The following GRID2 variants were observed in gnomAD, a reference collection of about 807,000 sequenced individuals.
GRID2 encodes the protein glutamate ionotropic receptor delta type subunit 2.
A neutral mutation model predicts 114.8 loss-of-function variants in GRID2; 33 were observed. The ratio of observed to expected loss-of-function variants is 0.29; its 90% CI spans 0.22 to 0.38. GRID2 has a LOEUF of 0.38. Among genes scored for constraint, GRID2 ranks in the 10% least tolerant of loss-of-function variants. The probability of loss-of-function intolerance (pLI) is 1.00; values close to 1 mark genes in which losing one functional copy is unlikely to be tolerated. For synonymous variants in GRID2, 505 were observed against 449.9 expected (o/e 1.12, Z -1.55); for missense variants, 1,184 against 1,257.7 (o/e 0.94, Z 0.89).
chr4:93,255,022 C>T (rs1404213987), intron 8 of GRID2, among the ~76,000 whole-genome samples: 1 of 152,086 alleles, frequency 6.6e-6, no homozygotes, highest in Non-Finnish European at 1.5e-5. Flanking sequence ...TATTTTCTAG[C>T]TGTTGGTGTT....
intron 1 of GRID2, among the ~76,000 whole-genome samples, chr4:92,437,549 G>T (rs1056116724): frequency 6.6e-6 from 1 of 152,194 alleles, no homozygotes; most frequent in Non-Finnish European, 1.5e-5. Context: ...GATTACAGGC[G>T]TGAGCTACTG....
intron 1 of GRID2, among the ~76,000 whole-genome samples, chr4:92,444,250 C>T (rs538074339): frequency 2.4e-4 from 36 of 148,256 alleles, no homozygotes; most frequent in East Asian, 1.4e-3. Context: ...TTTGTGTGAG[C>T]GACACATCTG....
At chr4:93,577,181 A>G (rs149494667) in intron 13 of GRID2, among the ~76,000 whole-genome samples, 4 of 152,272 alleles carry the variant, frequency 2.6e-5, no homozygotes, top group Admixed American at 6.5e-5. Context: ...AAGCCCTCAA[A>G]TATCTTAAAG....
chr4:92,587,080 G>A (rs542599200), intron 1 of GRID2, among the ~76,000 whole-genome samples: 10 of 148,428 alleles, frequency 6.7e-5, no homozygotes, highest in African/African-American at 2.5e-4. Flanking sequence ...GAAATATATA[G>A]AGAGTACTGA....
chr4:92,953,429 A>T (rs1027354675), intron 2 of GRID2, among the ~76,000 whole-genome samples: 1 of 152,206 alleles, frequency 6.6e-6, no homozygotes, highest in Non-Finnish European at 1.5e-5. Flanking sequence ...AGAAAAATTC[A>T]GTAAATTCTA....
chr4:92,378,071 G>A (rs987128998), intron 1 of GRID2, among the ~76,000 whole-genome samples: 1 of 151,404 alleles, frequency 6.6e-6, no homozygotes, highest in African/African-American at 2.4e-5. Flanking sequence ...TAATTTTAGA[G>A]CTGAAAGAGG....
intron 13 of GRID2, among the ~76,000 whole-genome samples, chr4:93,607,298 A>T (rs13123912): frequency 0.19 from 28,796 of 152,078 alleles, 3,188 homozygotes; most frequent in Middle Eastern, 0.32. Flanking sequence ...AAAAAATAGG[A>T]TTACATTATA....
At chr4:93,531,798 A>G (rs901068221) in intron 13 of GRID2, among the ~76,000 whole-genome samples, 11 of 152,232 alleles carry the variant, frequency 7.2e-5, no homozygotes, top group Admixed American at 5.2e-4. Context: ...ATTACAATAC[A>G]TTATGTTCAT....
intron 1 of GRID2, among the ~76,000 whole-genome samples, chr4:92,470,223 A>G (rs1721966280): frequency 2.0e-5 from 3 of 152,086 alleles, no homozygotes; most frequent in South Asian, 4.1e-4. Context: ...TGGATGTGGA[A>G]CACTCAATTT....
intron 1 of GRID2, among the ~76,000 whole-genome samples, chr4:92,398,903 T>C (rs1258925483): frequency 6.6e-6 from 1 of 152,210 alleles, no homozygotes; most frequent in Non-Finnish European, 1.5e-5. Context: ...CTGTTAAACG[T>C]GATAACTACA....
chr4:93,178,380 ATTTTTTTTTTTTTT>A lies in GRID2; in HGVS notation c.736-29007_736-28994del, dbSNP rs11428288. Reference sequence around the variant, plus strand: ...CTTATATTGTTTTCCTTGAAAATAGATTTTTTTTTTTTTTTTTTTTTTTTTTTTTTCCAGAGAGA... The same window carrying A: ...CTTATATTGTTTTCCTTGAAAATAGATTTTTTTTTTTTTTTTCCAGAGAGA... On this transcript the variant is annotated intron_variant, in intron 4 of 15. Coordinates refer to ENST00000282020, the MANE Select transcript of GRID2 (RefSeq NM_001510.4). Among the ~76,000 whole-genome samples the A allele has an allele frequency of 3.9e-3, 197 of 50,334 alleles. 1 individual carries two copies. Among genetic ancestry groups the A allele is most frequent in the Middle Eastern group, 0.026 (1 of 38 alleles). 33.0% of individuals were successfully genotyped at this position (50,334 alleles called of 152,430 possible).
chr4:93,685,280 C>A (rs761700716), intron 14 of GRID2, among the ~76,000 whole-genome samples: 11 of 152,026 alleles, frequency 7.2e-5, no homozygotes, highest in Non-Finnish European at 1.2e-4. Context: ...GATTTTTACT[C>A]CCTTGCTTTC....
In GRID2 at chr4:93,007,818, A is replaced by G. The variant is rs1292505171; in HGVS notation, c.245-77177A>G. Among the ~76,000 whole-genome samples, 4 of 152,024 alleles carry G rather than the reference A, an allele frequency of 2.6e-5. No homozygotes were observed. In the South Asian group the frequency reaches 6.2e-4, roughly 24 times the overall value. On this transcript the variant is annotated intron_variant, in intron 2 of 15. Coordinates refer to ENST00000282020, the MANE Select transcript of GRID2 (RefSeq NM_001510.4). ...CACTTTGGGAGGCTGGGCCCAGTGG[A>G]TCACTTGAGGTCAGGAGTTGGAGAC...
intron 2 of GRID2, among the ~76,000 whole-genome samples, chr4:92,846,392 G>C (rs1254825023): frequency 6.6e-6 from 1 of 151,998 alleles, no homozygotes; most frequent in Non-Finnish European, 1.5e-5. Flanking sequence ...CCAGTGTTTA[G>C]CTCCCTTTTG....
chr4:92,808,039 T>C (rs1454051416), intron 2 of GRID2, among the ~76,000 whole-genome samples: 2 of 151,986 alleles, frequency 1.3e-5, no homozygotes, highest in Non-Finnish European at 1.5e-5. Flanking sequence ...GGTGATTATA[T>C]TGTAATCATA....
chr4:92,567,861 A>C (rs1727410004), intron 1 of GRID2, among the ~76,000 whole-genome samples: 1 of 152,084 alleles, frequency 6.6e-6, no homozygotes, highest in African/African-American at 2.4e-5. Context: ...ATTTCTTTGC[A>C]TTGGTAATTC....
At chr4:93,265,088 A>G (rs1309848153) in intron 8 of GRID2, among the ~76,000 whole-genome samples, 2 of 151,972 alleles carry the variant, frequency 1.3e-5, no homozygotes, top group African/African-American at 4.8e-5. Context: ...GCCTAATGTT[A>G]TAATTTTTTT....
chr4:93,051,280 A>G (rs1242706621), intron 2 of GRID2, among the ~76,000 whole-genome samples: 1 of 152,082 alleles, frequency 6.6e-6, no homozygotes, highest in Non-Finnish European at 1.5e-5. Context: ...ATTAAGAAGA[A>G]ATAAAAGCAG....
chr4:93,350,916 A>G (rs1259199331), intron 8 of GRID2, among the ~76,000 whole-genome samples: 2 of 152,084 alleles, frequency 1.3e-5, no homozygotes, highest in East Asian at 3.9e-4. Flanking sequence ...ACAGTTCTAC[A>G]TGGCTGGGGA....
Sources: gnomAD v4.1 joint callset for allele counts (sites outside exome capture counted in the v4.1 genomes callset) on GRCh38, gnomAD v4.1.1 for gene constraint, MANE v1.5 for transcripts, NCBI Gene and HGNC (gene_info 2026-07-23, HGNC 2026-07-21) for gene names.